The following ICE2 variants were observed in gnomAD, a reference collection of about 807,000 sequenced individuals.
ICE2 encodes the protein little elongation complex subunit 2.
A neutral mutation model predicts 105.4 loss-of-function variants in ICE2; 87 were observed. The ratio of observed to expected loss-of-function variants is 0.83; its 90% CI spans 0.69 to 0.99. ICE2 has a LOEUF of 0.99. Ranked by LOEUF, ICE2 falls within the 50% of genes least tolerant of loss-of-function variation. The pLI is 0.00. For synonymous variants in ICE2, 399 were observed against 392.0 expected (o/e 1.02, Z -0.21); for missense variants, 1,323 against 1,146.7 (o/e 1.15, Z -2.22).
intron 4 of ICE2, among the ~76,000 whole-genome samples, chr15:60,467,756 A>C (rs1204746290): frequency 6.6e-6 from 1 of 152,226 alleles, no homozygotes; most frequent in African/African-American, 2.4e-5. Context: ...CATTTATATA[A>C]TTGAGAATTT....
chr15:60,452,745 T>G (rs919036989), intron 9 of ICE2: 29 of 450,028 alleles, frequency 6.4e-5, no homozygotes, highest in African/African-American at 5.8e-4. Context: ...CAAATTCATT[T>G]AAACCTAAAC....
chr15:60,472,067 A>C (rs2064614607), intron 3 of ICE2, among the ~76,000 whole-genome samples: 1 of 152,024 alleles, frequency 6.6e-6, no homozygotes, highest in Non-Finnish European at 1.5e-5. Flanking sequence ...AAAAAAAGGT[A>C]ATCGTTTACA....
intron 12 of ICE2, chr15:60,440,011 A>T (rs2063685189): frequency 6.6e-6 from 1 of 152,172 alleles, no homozygotes; most frequent in Non-Finnish European, 1.5e-5. Flanking sequence ...TTTTTGGTCA[A>T]TTCTTTTGAT....
At chr15:60,451,380 A>T (rs1321635868) in intron 9 of ICE2, 6 of 944,086 alleles carry the variant, frequency 6.4e-6, no homozygotes, top group Non-Finnish European at 7.6e-6. Context: ...CCAAAGCAGA[A>T]TCTGATAAAG....
intron 15 of ICE2, among the ~76,000 whole-genome samples, chr15:60,424,009 A>T (rs2063284714): frequency 6.6e-6 from 1 of 152,218 alleles, no homozygotes; most frequent in Non-Finnish European, 1.5e-5. Flanking sequence ...GAATGGGGAA[A>T]CTATTCTCTG....
intron 7 of ICE2, 44 bp from the exon 8 acceptor site, chr15:60,455,206 A>C: frequency 6.5e-7 from 1 of 1,542,088 alleles, no homozygotes; most frequent in Non-Finnish European, 8.7e-7. Context: ...TACTTATTGA[A>C]AATTTCTTCA....
At chr15:60,451,270 A>C in intron 9 of ICE2, 6 of 655,876 alleles carry the variant, frequency 9.1e-6, no homozygotes, top group Non-Finnish European at 1.1e-5. Context: ...ATACATATAT[A>C]AACAGACTAC....
chr15:60,446,495 A>C (rs1207307862), intron 11 of ICE2, among the ~76,000 whole-genome samples: 2 of 152,116 alleles, frequency 1.3e-5, no homozygotes, highest in African/African-American at 4.8e-5. Flanking sequence ...TCCCAGGTTC[A>C]CGCCATTCTC....
intron 5 of ICE2, among the ~76,000 whole-genome samples, chr15:60,462,973 G>T (rs558497310): frequency 1.3e-5 from 2 of 152,102 alleles, no homozygotes; most frequent in Non-Finnish European, 2.9e-5. Context: ...ATTTATGATG[G>T]TGCCAAACCA....
chr15:60,433,063 T>C (rs1255196281), intron 13 of ICE2, among the ~76,000 whole-genome samples: 1 of 151,698 alleles, frequency 6.6e-6, no homozygotes, highest in Non-Finnish European at 1.5e-5. Context: ...CGGGACAGGA[T>C]AGCTAAAGGG....
intron 5 of ICE2, among the ~76,000 whole-genome samples, chr15:60,464,652 A>G (rs1302923609): frequency 1.3e-5 from 2 of 150,518 alleles, no homozygotes; most frequent in African/African-American, 2.4e-5. Flanking sequence ...GGGAAGAATA[A>G]CTGATAGGGC....
At chr15:60,462,976 C>T (rs755741728) in intron 5 of ICE2, among the ~76,000 whole-genome samples, 4 of 152,120 alleles carry the variant, frequency 2.6e-5, no homozygotes, top group Non-Finnish European at 5.9e-5. Flanking sequence ...TATGATGGTG[C>T]CAAACCATTG....
intron 5 of ICE2, among the ~76,000 whole-genome samples, chr15:60,463,501 C>T (rs1205328345): frequency 1.3e-5 from 2 of 152,184 alleles, no homozygotes; most frequent in East Asian, 3.9e-4. Flanking sequence ...GGGCCAAGCA[C>T]GGTGGCTCAC....
At chr15:60,425,202 C>G (rs2063314565) in intron 15 of ICE2, among the ~76,000 whole-genome samples, 1 of 152,014 alleles carries the variant, frequency 6.6e-6, no homozygotes, top group Admixed American at 6.6e-5. Context: ...TTACATTTAC[C>G]TGACCAGAAA....
intron 2 of ICE2, 91 bp from the exon 3 acceptor site, chr15:60,476,258 C>CA: frequency 1.3e-6 from 1 of 752,494 alleles, no homozygotes. Flanking sequence ...CTTACAATTT[C>CA]ATACCTTCTT....
Position 60,477,909 on chromosome 15 carries a change from A to C in ICE2, c.41+28T>G, listed in dbSNP as rs1386149363. The stretch of plus-strand genomic sequence containing the variant: ...CATCAGCCCCACTACACTCCTCTTC[A>C]GTGGATTACAAAGTGGCTACAACTC... On this transcript the variant is annotated intron_variant, in intron 2 of 15. Coordinates refer to ENST00000261520, the MANE Select transcript of ICE2 (RefSeq NM_024611.6). The C allele has an allele frequency of 1.9e-6, 3 of 1,597,374 alleles. No individual in the cohort carries two copies. In the African/African-American group the frequency reaches 4.0e-5, roughly 21 times the overall value.
At chr15:60,454,767 C>G (rs2064055473) in intron 8 of ICE2, 2 of 374,268 alleles carry the variant, frequency 5.3e-6, no homozygotes, top group South Asian at 1.0e-4. Context: ...ATACATGTGC[C>G]ATGGTGGTTT....
At chr15:60,469,599 C>A (rs948517751) in intron 3 of ICE2, among the ~76,000 whole-genome samples, 2 of 152,158 alleles carry the variant, frequency 1.3e-5, no homozygotes, top group African/African-American at 4.8e-5. Flanking sequence ...TTGGTGTCAC[C>A]TTTGTTATTC....
At chr15:60,449,999 T>G (rs1282740488) in intron 9 of ICE2, among the ~76,000 whole-genome samples, 158 bp from the exon 10 acceptor site, 1 of 152,184 alleles carries the variant, frequency 6.6e-6, no homozygotes, top group Non-Finnish European at 1.5e-5. Flanking sequence ...GACAACAAAC[T>G]ACTACCAGCT....
Sources: allele counts gnomAD v4.1 joint callset (sites outside exome capture counted in the v4.1 genomes callset), GRCh38; gene constraint gnomAD v4.1.1; transcripts MANE v1.5; gene names NCBI Gene and HGNC (gene_info 2026-07-23, HGNC 2026-07-21).